Variants in BABAM2 observed in about 807,000 individuals in gnomAD.
BABAM2 encodes BRISC and BRCA1-A complex member 2.
BABAM2 carries 31 observed loss-of-function variants against 54.7 expected under a neutral mutation model. The observed-to-expected ratio is 0.57, with a 90% CI of 0.43 to 0.77. BABAM2 has a LOEUF of 0.77. BABAM2 is among the 30% of genes least tolerant of loss of function. The pLI is 0.00. For synonymous variants in BABAM2, 167 were observed against 162.9 expected, an observed-to-expected ratio of 1.03 and a Z score of -0.19; for missense variants, 364 against 455.8, an observed-to-expected ratio of 0.80 and a Z score of 1.83.
chr2:27,902,353 G>T (rs925608092), intron 2 of BABAM2, among the ~76,000 whole-genome samples: 2 of 152,160 alleles, frequency 1.3e-5, no homozygotes, highest in African/African-American at 4.8e-5. Flanking sequence ...GTAAGTATGT[G>T]TATACTGGGT....
chr2:28,230,236 T>C (rs1366014500), intron 7 of BABAM2, among the ~76,000 whole-genome samples: 4 of 152,222 alleles, frequency 2.6e-5, no homozygotes, highest in Non-Finnish European at 5.9e-5. Flanking sequence ...CTCGTCTTTC[T>C]GATCTCCTTT....
intron 11 of BABAM2, among the ~76,000 whole-genome samples, chr2:28,333,414 G>C (rs915980746): frequency 2.0e-5 from 3 of 152,126 alleles, no homozygotes; most frequent in African/African-American, 7.2e-5. Context: ...CTGAAGCCCA[G>C]AAGAGATTTA....
At chr2:28,078,084 A>G (rs1451609446) in intron 6 of BABAM2, among the ~76,000 whole-genome samples, 1 of 152,128 alleles carries the variant, frequency 6.6e-6, no homozygotes, top group African/African-American at 2.4e-5. Context: ...TCTGAGTAAC[A>G]TGATGAAATC....
chr2:28,263,519 C>T (rs982430835), intron 10 of BABAM2, among the ~76,000 whole-genome samples: 6 of 152,244 alleles, frequency 3.9e-5, no homozygotes, highest in African/African-American at 1.4e-4. Flanking sequence ...TACAGATAGG[C>T]TACTGACCTC....
Position 27,995,883 on chromosome 2 carries a change from C to T in BABAM2, c.300+7796C>T, listed in dbSNP as rs751346988. ...GCGTGAGCCACTGCACCTGGCCCCT[C>T]ATGAGTTCTTAATTTTAGAGAATAT... On this transcript the variant is annotated intron_variant, in intron 4 of 11. Coordinates refer to ENST00000379624, the MANE Select transcript of BABAM2 (RefSeq NM_199191.3). This position sits in a 1 kb window ranked among gnomAD's most constrained non-coding sequence, Gnocchi z 4.1. Among the ~76,000 whole-genome samples, 1 of 152,032 alleles carries T rather than the reference C, an allele frequency of 6.6e-6. No individual in the cohort carries two copies. Among genetic ancestry groups the T allele is most frequent in the Non-Finnish European group, 1.5e-5 (1 of 67,960 alleles).
In BABAM2 at chr2:28,025,309, A is replaced by G. The variant is rs182586969; in HGVS notation, c.384A>G (p.Gln128=). 8 of 1,612,680 alleles carry G rather than the reference A, an allele frequency of 5.0e-6. No homozygotes were observed. The highest frequency in any genetic ancestry group is 1.1e-5 in the South Asian group (1 of 90,834). ...KELVQQYHQF[Q]CSRLRESSRL... ...TTGTGCAACAATATCACCAATTCCA[A>G]TGTAGCCGCCTCCGGGAGAGCTCCC... The change falls in exon 5 of 12, where the codon CAA becomes CAG. Residue 128 remains glutamine (Q), a synonymous_variant. Coordinates refer to ENST00000379624, the MANE Select transcript of BABAM2 (RefSeq NM_199191.3).
chr2:28,177,843 C>T (rs1675177371), intron 7 of BABAM2, among the ~76,000 whole-genome samples: 1 of 151,792 alleles, frequency 6.6e-6, no homozygotes, highest in Non-Finnish European at 1.5e-5. Flanking sequence ...AGCAGAAGTA[C>T]TTATCTTAAT....
chr2:28,271,669 A>G (rs746368712), intron 10 of BABAM2, among the ~76,000 whole-genome samples: 1 of 152,176 alleles, frequency 6.6e-6, no homozygotes, highest in Non-Finnish European at 1.5e-5. Context: ...TATCACCCCA[A>G]ATCCATCCTT....
intron 6 of BABAM2, among the ~76,000 whole-genome samples, chr2:28,118,516 T>G (rs965961604): frequency 6.6e-6 from 1 of 152,242 alleles, no homozygotes; most frequent in Non-Finnish European, 1.5e-5. Context: ...AACAAATGCC[T>G]TCTTTTGAGA....
chr2:28,095,200 G>A (rs1441998942), intron 6 of BABAM2, among the ~76,000 whole-genome samples: 1 of 152,126 alleles, frequency 6.6e-6, no homozygotes, highest in Non-Finnish European at 1.5e-5. Flanking sequence ...TGAGGCATTG[G>A]TAGTTAAGTC....
At chr2:27,989,849 G>T (rs1232464029) in intron 4 of BABAM2, among the ~76,000 whole-genome samples, 2 of 151,996 alleles carry the variant, frequency 1.3e-5, no homozygotes, top group Non-Finnish European at 2.9e-5. Flanking sequence ...TTAATATTTG[G>T]CAAGTATTGT....
At chr2:27,963,639 A>G (rs1670637450) in intron 3 of BABAM2, among the ~76,000 whole-genome samples, 1 of 152,294 alleles carries the variant, frequency 6.6e-6, no homozygotes. Flanking sequence ...TTTTAATGGT[A>G]GATCAGCTGA....
At chr2:27,975,875 A>C (rs1255400303) in intron 3 of BABAM2, among the ~76,000 whole-genome samples, 1 of 152,098 alleles carries the variant, frequency 6.6e-6, no homozygotes, top group Non-Finnish European at 1.5e-5. Flanking sequence ...ACAATAAAAA[A>C]AATGGGGAAC....
chr2:28,229,939 T>C (rs1681221103), intron 7 of BABAM2, among the ~76,000 whole-genome samples: 1 of 152,216 alleles, frequency 6.6e-6, no homozygotes, highest in Admixed American at 6.5e-5. Flanking sequence ...GTTATTTAAC[T>C]TAGCCATTTC....
At chr2:28,161,458 A>T (rs905439806) in intron 7 of BABAM2, among the ~76,000 whole-genome samples, 1 of 152,138 alleles carries the variant, frequency 6.6e-6, no homozygotes, top group African/African-American at 2.4e-5. Context: ...ATAGGCCTTC[A>T]AGGAAATTCC....
chr2:28,088,428 A>T (rs926942352), intron 6 of BABAM2, among the ~76,000 whole-genome samples: 2 of 152,202 alleles, frequency 1.3e-5, no homozygotes, highest in Admixed American at 6.5e-5. Flanking sequence ...ACTTGCTCTT[A>T]GGATCCCTTG....
chr2:28,254,978 C>T (rs1683845053), intron 10 of BABAM2, among the ~76,000 whole-genome samples: 1 of 152,034 alleles, frequency 6.6e-6, no homozygotes, highest in African/African-American at 2.4e-5. Flanking sequence ...CTCTAGTGAA[C>T]CTCCCACCTC....
rs965768214 is a variant in BABAM2 at position 27,948,361 on chromosome 2, A to C, written c.205+18453A>C. Reference sequence around the variant, plus strand: ...CTGTAGACTCCATAAGATTTCCTACATAGAAAATTATGCCATCTGTGAATG... The same window carrying C: ...CTGTAGACTCCATAAGATTTCCTACCTAGAAAATTATGCCATCTGTGAATG... On this transcript the variant is annotated intron_variant, in intron 3 of 11. Transcript: ENST00000379624. Among the ~76,000 whole-genome samples the C allele has an allele frequency of 3.3e-5, 5 of 152,134 alleles. No individual in the cohort carries two copies. The South Asian group carries it at 6.2e-4, about 19-fold the overall frequency.
chr2:28,112,146 T>TTTCTTTCTTTCTTTC (rs1344247281), intron 6 of BABAM2, among the ~76,000 whole-genome samples: 997 of 10,530 alleles, frequency 0.095, 330 homozygotes, highest in Non-Finnish European at 0.11. Flanking sequence ...TCTTTCTTTC[T>TTTCTTTCTTTCTTTC]TTACCTCCCT....
Sources: gnomAD v4.1 joint callset for allele counts (sites outside exome capture counted in the v4.1 genomes callset) on GRCh38, gnomAD v4.1.1 for gene constraint, Gnocchi (gnomAD v3.1) non-coding constraint, MANE v1.5 for transcripts, NCBI Gene and HGNC (gene_info 2026-07-23, HGNC 2026-07-21) for gene names.